Variants in ARID4A observed in about 807,000 individuals in gnomAD.
The protein encoded by ARID4A is AT-rich interactive domain-containing protein 4A.
A neutral mutation model predicts 148.6 loss-of-function variants in ARID4A; 39 were observed. That is an observed-to-expected ratio of 0.26 (90% CI 0.20 to 0.34). ARID4A has a LOEUF of 0.34. Ranked by LOEUF, ARID4A falls within the 10% of genes least tolerant of loss-of-function variation. ARID4A has a pLI of 1.00. For missense variants in ARID4A, 1,265 were observed against 1,449.1 expected, an observed-to-expected ratio of 0.87 and a Z score of 2.06; for synonymous variants, 475 against 481.2, an observed-to-expected ratio of 0.99 and a Z score of 0.17.
chr14:58,323,682 A>G (rs1338332829), intron 8 of ARID4A, 65 bp downstream of exon 8: 1 of 1,409,040 alleles, frequency 7.1e-7, no homozygotes, highest in Non-Finnish European at 9.8e-7. Context: ...GGATTTTTTT[A>G]AAAGCATTTA....
In ARID4A at chr14:58,372,957, T is replaced by A. The variant is rs934045432; in HGVS notation, c.*968T>A. On this transcript the variant is annotated 3_prime_UTR_variant, in exon 24 of 24. Coordinates refer to ENST00000355431, the MANE Select transcript of ARID4A (RefSeq NM_002892.4). ...ATTCTAGGTTAATTCACTCTTTGGA[T>A]GACAATAGCTCTCAGCTGTCCTTTT... 2 of 188,700 alleles carry A rather than the reference T, an allele frequency of 1.1e-5. No homozygotes were observed. The highest frequency in any genetic ancestry group is 1.2e-4 in the Admixed American group (2 of 16,190). The allele number at this position is 188,700 out of a possible 1,614,324, so 11.7% of individuals were successfully genotyped here. A position where few individuals can be genotyped will look rare whatever the true frequency, so the allele number is the denominator to read the frequency against.
chr14:58,352,006 A>G (rs1267527668), intron 16 of ARID4A, among the ~76,000 whole-genome samples: 1 of 152,232 alleles, frequency 6.6e-6, no homozygotes, highest in East Asian at 1.9e-4. Context: ...CTGCTTCTGT[A>G]AGTGTTGTCA....
chr14:58,350,557 C>G (rs749375708), intron 15 of ARID4A, among the ~76,000 whole-genome samples: 1 of 152,158 alleles, frequency 6.6e-6, no homozygotes, highest in Non-Finnish European at 1.5e-5. Flanking sequence ...GCCATTGATG[C>G]AATTCAGTCC....
chr14:58,340,236 C>A (rs888658369), intron 11 of ARID4A, among the ~76,000 whole-genome samples: 1 of 150,978 alleles, frequency 6.6e-6, no homozygotes, highest in Admixed American at 6.6e-5. Context: ...TCTTCTTCTT[C>A]TTTTTTGGGA....
chr14:58,357,283 A>G (rs1472014885), intron 17 of ARID4A, among the ~76,000 whole-genome samples: 2 of 152,190 alleles, frequency 1.3e-5, no homozygotes, highest in African/African-American at 4.8e-5. Flanking sequence ...GCATTTTTCG[A>G]CAGGATATTT....
At position 58,347,874 on chromosome 14, in the gene ARID4A, C is replaced by T. The variant is rs763944373; in HGVS notation, c.1400C>T (p.Pro467Leu). ...AGAGAAGAGATAGAATTAAAATCTC[C>T]GAGGGTGAGTTCTTAATACTAGTTT... ...SEREEIELKS[P>L]RGRRRIARDV... The change falls in exon 15 of 24, where the codon CCG becomes CTG. Residue 467 changes from proline to leucine, a missense_variant. By Grantham distance (98) the Pro-to-Leu change is moderately conservative (BLOSUM62 -3). Transcript: ENST00000355431. 25 of 1,604,284 alleles carry T rather than the reference C, an allele frequency of 1.6e-5. No homozygotes were observed. Among genetic ancestry groups the T allele is most frequent in the Non-Finnish European group, 1.9e-5 (22 of 1,174,178 alleles).
At chr14:58,313,952 T>G (rs965748137) in intron 5 of ARID4A, among the ~76,000 whole-genome samples, 2 of 152,220 alleles carry the variant, frequency 1.3e-5, no homozygotes, top group Admixed American at 6.5e-5. Flanking sequence ...CTGGCACATG[T>G]GCCAGTTTCC....
chr14:58,332,450 G>T lies in ARID4A; in HGVS notation c.906+2281G>T, dbSNP rs1036115507. ...TTATTAAACTAATTCTTTTTCTCTGGCCATACAGGAAGATTTTCTTGAGTG... is the reference window on the plus strand; with the variant it reads ...TTATTAAACTAATTCTTTTTCTCTGTCCATACAGGAAGATTTTCTTGAGTG... On this transcript the variant is annotated intron_variant, in intron 11 of 23. Coordinates refer to ENST00000355431, the MANE Select transcript of ARID4A (RefSeq NM_002892.4). 2.0e-5 allele frequency among the ~76,000 whole-genome samples: 3 copies of T among 152,014 alleles called. 1 individual carries two copies. In the South Asian group the frequency reaches 6.2e-4, roughly 32 times the overall value.
intron 23 of ARID4A, among the ~76,000 whole-genome samples, chr14:58,368,920 G>T (rs1212534835): frequency 2.6e-5 from 4 of 152,118 alleles, no homozygotes; most frequent in African/African-American, 9.7e-5. Context: ...TTTTGGATTA[G>T]GGATGTTCAA....
At chr14:58,300,545 C>T (rs1250038735) in intron 2 of ARID4A, among the ~76,000 whole-genome samples, 2 of 152,132 alleles carry the variant, frequency 1.3e-5, no homozygotes, top group Non-Finnish European at 2.9e-5. Context: ...AATGCACTTA[C>T]TTTAAAAGGT....
intron 19 of ARID4A, among the ~76,000 whole-genome samples, chr14:58,362,424 A>G (rs1442712464): frequency 6.6e-6 from 1 of 151,966 alleles, no homozygotes; most frequent in Non-Finnish European, 1.5e-5. Flanking sequence ...CCCCATCTTT[A>G]CAAAAAAATT....
chr14:58,342,909 CT>C (rs1273212513), intron 11 of ARID4A, among the ~76,000 whole-genome samples: 1 of 149,844 alleles, frequency 6.7e-6, no homozygotes, highest in African/African-American at 2.5e-5. Flanking sequence ...AAGACTCTGT[CT>C]TTAAAAAAAA....
chr14:58,351,336 A>G lies in ARID4A; in HGVS notation c.1655+13A>G, dbSNP rs367858208. The stretch of plus-strand genomic sequence containing the variant: ...AAAGCCAAGAGAGGTACATTATCTT[A>G]TGTTTGTTCTCCAGAAGCACCTGTC... On this transcript the variant is annotated intron_variant, in intron 16 of 23. Transcript: ENST00000355431. 3.8e-6 allele frequency: 6 copies of G among 1,584,242 alleles called. No individual in the cohort carries two copies. In the African/African-American group the frequency reaches 4.1e-5, roughly 11 times the overall value.
Position 58,373,495 on chromosome 14 carries a change from A to G in ARID4A, c.*1506A>G, listed in dbSNP as rs1352427306. The G allele has an allele frequency of 1.1e-5, 2 of 179,382 alleles. No individual in the cohort carries two copies. Among genetic ancestry groups the G allele is most frequent in the Non-Finnish European group, 2.4e-5 (2 of 83,762 alleles). The allele number at this position is 179,382 out of a possible 1,614,324, so 11.1% of individuals were successfully genotyped here. A position where few individuals can be genotyped will look rare whatever the true frequency, so the allele number is the denominator to read the frequency against. The stretch of plus-strand genomic sequence containing the variant: ...TATATCAGGATCTGATTTACAAGAA[A>G]AAGTCAGAGCTAAACACTAGTGATG... On this transcript the variant is annotated 3_prime_UTR_variant, in exon 24 of 24. Coordinates refer to ENST00000355431, the MANE Select transcript of ARID4A (RefSeq NM_002892.4).
intron 8 of ARID4A, among the ~76,000 whole-genome samples, chr14:58,323,896 CTTTTTTTTTT>C (rs545318449): frequency 6.7e-5 from 7 of 104,178 alleles, no homozygotes; most frequent in African/African-American, 2.1e-4. Context: ...CTTAGGTTCC[CTTTTTTTTTT>C]TTTTTTTTTT....
chr14:58,361,135 A>C, intron 19 of ARID4A, 93 bp downstream of exon 19: 2 of 1,474,950 alleles, frequency 1.4e-6, no homozygotes, highest in Non-Finnish European at 1.8e-6. Context: ...GACTTTAAAA[A>C]AAATCAATAA....
At chr14:58,352,397 A>G (rs2034677912) in intron 16 of ARID4A, among the ~76,000 whole-genome samples, 1 of 152,182 alleles carries the variant, frequency 6.6e-6, no homozygotes, top group South Asian at 2.1e-4. Context: ...AATTTTAAAT[A>G]TTTGGACAAA....
At chr14:58,357,566 A>G (rs2034936345) in intron 17 of ARID4A, among the ~76,000 whole-genome samples, 1 of 151,860 alleles carries the variant, frequency 6.6e-6, no homozygotes, top group African/African-American at 2.4e-5. Context: ...GCCCAACACA[A>G]ATTCATAAAC....
chr14:58,372,731 A>T lies in ARID4A; in HGVS notation c.*742A>T, dbSNP rs1289420617. ...AAATATTTTGTCTTTTTTCTATGTA[A>T]TTTCAGAGTTTTTATTTTGTTACAA... On this transcript the variant is annotated 3_prime_UTR_variant, in exon 24 of 24. Transcript: ENST00000355431. 5.5e-6 allele frequency: 1 copy of T among 183,324 alleles called. No homozygotes were observed. The highest frequency in any genetic ancestry group is 1.2e-5 in the Non-Finnish European group (1 of 86,110). The allele number at this position is 183,324 out of a possible 1,614,324, so 11.4% of individuals were successfully genotyped here.
Sources: allele counts gnomAD v4.1 joint callset (sites outside exome capture counted in the v4.1 genomes callset), GRCh38; gene constraint gnomAD v4.1.1; transcripts MANE v1.5; gene names NCBI Gene and HGNC (gene_info 2026-07-23, HGNC 2026-07-21).